The following KIF21A variants were observed in gnomAD, a reference collection of about 807,000 sequenced individuals.
The protein encoded by KIF21A is kinesin family member 21A.
A neutral mutation model predicts 202.9 loss-of-function variants in KIF21A; 114 were observed. That is an observed-to-expected ratio of 0.56 (90% confidence interval 0.48 to 0.66). KIF21A has a LOEUF of 0.66. Ranked by LOEUF, KIF21A falls within the 30% of genes least tolerant of loss-of-function variation. The probability of loss-of-function intolerance (pLI) is 0.00; values close to 1 mark genes in which losing one functional copy is unlikely to be tolerated. For missense variants in KIF21A, 1,677 were observed against 1,994.9 expected (o/e 0.84, Z 3.04); for synonymous variants, 667 against 670.8 (o/e 0.99, Z 0.09).
chr12:39,370,245 C>T lies in KIF21A; in HGVS notation c.61G>A (p.Ala21Thr). Residue 21 changes from alanine (A) to threonine (T), a missense_variant, in exon 2 of 38, where the codon GCC (alanine) becomes ACC (threonine). Ala to Thr is a moderately conservative substitution (Grantham distance 58). This residue lies in a region of KIF21A where 966 missense variants were observed against 1,180.9 expected (regional missense o/e 0.82). Coordinates refer to ENST00000361418, the MANE Select transcript of KIF21A (RefSeq NM_001173464.2). ...RVAVRIRPQL[A>T]KEKIEGCHIC... ...TGGCATCCTTCAATCTTCTCTTTGG[C>T]AAGCTGTGGTCTTATTCTGTGAGAA... is the stretch of plus-strand genomic sequence containing the variant. 6.2e-7 allele frequency: 1 copy of T among 1,611,280 alleles called. No individual in the cohort carries two copies. Among genetic ancestry groups the T allele is most frequent in the Non-Finnish European group, 8.5e-7 (1 of 1,177,872 alleles).
chr12:39,374,085 A>G (rs1341973011), intron 1 of KIF21A, among the ~76,000 whole-genome samples: 2 of 152,184 alleles, frequency 1.3e-5, no homozygotes, highest in Non-Finnish European at 2.9e-5. Flanking sequence ...CTCTTGAAAA[A>G]TTAGTATTTT....
At chr12:39,441,534 G>C (rs1939577221) in intron 1 of KIF21A, among the ~76,000 whole-genome samples, 1 of 151,474 alleles carries the variant, frequency 6.6e-6, no homozygotes, top group Non-Finnish European at 1.5e-5. Flanking sequence ...CAGTGAATAG[G>C]AGAAACAGAC....
chr12:39,364,630 A>G (rs1284260795), intron 6 of KIF21A, among the ~76,000 whole-genome samples: 1 of 152,208 alleles, frequency 6.6e-6, no homozygotes, highest in Non-Finnish European at 1.5e-5. Context: ...AATGGGAGGA[A>G]AGCAGACACC....
chr12:39,300,068 T>C (rs750366446), intron 37 of KIF21A, among the ~76,000 whole-genome samples: 13 of 151,812 alleles, frequency 8.6e-5, no homozygotes, highest in Non-Finnish European at 1.8e-4. Context: ...AGTTTACCCA[T>C]ATAAAAAACC....
At chr12:39,406,222 A>C (rs1243038731) in intron 1 of KIF21A, among the ~76,000 whole-genome samples, 1 of 152,186 alleles carries the variant, frequency 6.6e-6, no homozygotes, top group Non-Finnish European at 1.5e-5. Flanking sequence ...TTCAAGCAAC[A>C]TATTTGATAC....
intron 1 of KIF21A, among the ~76,000 whole-genome samples, chr12:39,413,229 G>T (rs1237934482): frequency 6.6e-6 from 1 of 152,034 alleles, no homozygotes; most frequent in African/African-American, 2.4e-5. Flanking sequence ...CTAAAATTTT[G>T]TTATCTTGAC....
chr12:39,437,226 T>C (rs1221305834), intron 1 of KIF21A, among the ~76,000 whole-genome samples: 1 of 152,212 alleles, frequency 6.6e-6, no homozygotes, highest in Non-Finnish European at 1.5e-5. Context: ...CATCATTCAC[T>C]ACCCCATAAT....
chr12:39,334,222 A>G (rs1280272899), intron 17 of KIF21A, among the ~76,000 whole-genome samples: 1 of 148,284 alleles, frequency 6.7e-6, no homozygotes, highest in East Asian at 2.0e-4. Context: ...AAAAAAAAAG[A>G]AAGAAAGAAA....
chr12:39,359,819 G>A (rs1949069104), intron 7 of KIF21A, among the ~76,000 whole-genome samples: 1 of 152,172 alleles, frequency 6.6e-6, no homozygotes, highest in Non-Finnish European at 1.5e-5. Context: ...TACAAAAAAT[G>A]TTTAAAGTAA....
intron 25 of KIF21A, 121 bp downstream of exon 25, chr12:39,326,143 G>T: frequency 1.3e-6 from 1 of 796,512 alleles, no homozygotes; most frequent in Non-Finnish European, 2.2e-6. Context: ...GTTTCTAAGT[G>T]CTATTCACTA....
At chr12:39,419,681 G>A (rs76259401) in intron 1 of KIF21A, among the ~76,000 whole-genome samples, 14,891 of 152,064 alleles carry the variant, frequency 0.098, 750 homozygotes, top group East Asian at 0.14. Flanking sequence ...TCATCTTCAG[G>A]CTATATAAGA....
At chr12:39,407,023 C>T (rs953954456) in intron 1 of KIF21A, among the ~76,000 whole-genome samples, 3 of 152,192 alleles carry the variant, frequency 2.0e-5, no homozygotes, top group Non-Finnish European at 4.4e-5. Flanking sequence ...AATGCACACT[C>T]CCTGCTCCTG....
intron 26 of KIF21A, among the ~76,000 whole-genome samples, chr12:39,324,322 G>A (rs188936852): frequency 3.3e-5 from 5 of 152,174 alleles, no homozygotes; most frequent in Non-Finnish European, 7.4e-5. Flanking sequence ...ATGACCTTTA[G>A]GCCACCACTT....
chr12:39,435,150 C>T (rs1353692547), intron 1 of KIF21A, among the ~76,000 whole-genome samples: 1 of 152,118 alleles, frequency 6.6e-6, no homozygotes, highest in African/African-American at 2.4e-5. Flanking sequence ...TAAGTTTGAA[C>T]ATTTTTCTTG....
intron 1 of KIF21A, among the ~76,000 whole-genome samples, chr12:39,372,222 T>G (rs1383257601): frequency 1.3e-5 from 2 of 152,206 alleles, no homozygotes; most frequent in Non-Finnish European, 2.9e-5. Flanking sequence ...CAAACCTGGT[T>G]TTCTAAAACA....
rs756170780 is a variant in KIF21A, at chr12:39,301,670, T to C, written c.4741A>G (p.Asn1581Asp). The change falls in exon 37 of 38, where the codon AAT becomes GAT. Residue 1581 changes from asparagine to aspartate, a missense_variant. Coordinates refer to ENST00000361418, the MANE Select transcript of KIF21A (RefSeq NM_001173464.2). ...GCACAGACCCAATCCTTATGTGCAT[T>C]TGGAACTTGCTAAAAGAAAAAAAGT... is the stretch of plus-strand genomic sequence containing the variant. Reference protein sequence around the residue: ...TQKDLLQQVPNAHKDWVCALG... With the variant: ...TQKDLLQQVPDAHKDWVCALG... 1 of 1,614,034 alleles carries C rather than the reference T, an allele frequency of 6.2e-7. No homozygotes were observed. Among genetic ancestry groups the C allele is most frequent in the Non-Finnish European group, 8.5e-7 (1 of 1,179,922 alleles).
intron 20 of KIF21A, 76 bp from the exon 21 acceptor site, chr12:39,332,484 C>T: frequency 6.6e-7 from 1 of 1,504,330 alleles, no homozygotes; most frequent in Non-Finnish European, 9.2e-7. Flanking sequence ...CCCCCCCACC[C>T]CCCAAAAAAA....
intron 17 of KIF21A, among the ~76,000 whole-genome samples, chr12:39,333,679 T>C (rs1348146729): frequency 1.3e-5 from 2 of 152,160 alleles, no homozygotes; most frequent in Non-Finnish European, 2.9e-5. Flanking sequence ...AGTCATCTTA[T>C]AATATATACA....
chr12:39,394,724 T>C (rs1478757711), intron 1 of KIF21A, among the ~76,000 whole-genome samples: 4 of 152,220 alleles, frequency 2.6e-5, no homozygotes, highest in Admixed American at 6.5e-5. Flanking sequence ...AATATTGGCA[T>C]GGCAATTTCA....
Sources: allele counts gnomAD v4.1 joint callset (sites outside exome capture counted in the v4.1 genomes callset), GRCh38; gene constraint gnomAD v4.1.1; regional missense constraint gnomAD v4.1.1; transcripts MANE v1.5; gene names NCBI Gene and HGNC (gene_info 2026-07-23, HGNC 2026-07-21).